PLA2G6: variants seen among roughly 807,000 people sequenced by gnomAD.
PLA2G6 encodes phospholipase A2 group VI, also known as 85/88 kDa calcium-independent phospholipase A2.
PLA2G6 carries 62 observed loss-of-function variants against 83.8 expected under a neutral mutation model. That is an observed-to-expected ratio of 0.74 (90% confidence interval 0.60 to 0.91). PLA2G6 has a LOEUF of 0.91. PLA2G6 is among the 40% of genes least tolerant of loss of function. The pLI is 0.00. For missense variants in PLA2G6, 944 were observed against 1,102.0 expected (o/e 0.86, Z 2.03); for synonymous variants, 417 against 449.8 (o/e 0.93, Z 0.92).
intron 7 of PLA2G6, chr22:38,131,429 T>G (rs2088204664): frequency 1.3e-5 from 2 of 152,184 alleles, no homozygotes; most frequent in South Asian, 4.1e-4. Context: ...TTTTGAAATT[T>G]TCACACTTTA....
chr22:38,145,018 T>C, intron 3 of PLA2G6: 1 of 350,220 alleles, frequency 2.9e-6, no homozygotes, highest in South Asian at 2.1e-5. Flanking sequence ...TTTAATCTGG[T>C]AGCAACGCAG....
At chr22:38,180,941 ATCCT>A in intron 1 of PLA2G6, among the ~76,000 whole-genome samples, 1 of 152,322 alleles carries the variant, frequency 6.6e-6, no homozygotes, top group Middle Eastern at 3.4e-3. Context: ...CCTGCCTGAC[ATCCT>A]GTTGGGCGGG....
chr22:38,169,590 C>G, intron 1 of PLA2G6, 119 bp from the exon 2 acceptor site: 1 of 681,558 alleles, frequency 1.5e-6, no homozygotes, highest in South Asian at 1.6e-5. Context: ...TCCCCAGATC[C>G]TGGGCCTGGA....
At chr22:38,160,066 A>G (rs896463506) in intron 2 of PLA2G6, among the ~76,000 whole-genome samples, 1 of 152,236 alleles carries the variant, frequency 6.6e-6, no homozygotes, top group South Asian at 2.1e-4. Context: ...TATTTTTTAA[A>G]TAGTCAAGAG....
Position 38,126,401 on chromosome 22 carries a change from A to G in PLA2G6, c.1397T>C (p.Ile466Thr). ...HISRARKPAF[I>T]LGSMRDEKRT... is the part of the protein sequence containing the mutation. The stretch of plus-strand genomic sequence containing the variant: ...CTTCTCGTCCCTCATGGAGCCCAGG[A>G]TGAACGCTGGCTTCCGGGCCCGTGA... The change falls in exon 10 of 17, where the codon ATC becomes ACC. Residue 466 changes from isoleucine to threonine, a missense_variant. Coordinates refer to ENST00000332509, the MANE Select transcript of PLA2G6 (RefSeq NM_003560.4). 1 of 1,613,618 alleles carries G rather than the reference A, an allele frequency of 6.2e-7. No individual in the cohort carries two copies. Among genetic ancestry groups the G allele is most frequent in the Middle Eastern group, 1.7e-4 (1 of 6,054 alleles).
At position 38,132,765 on chromosome 22, in the gene PLA2G6, G is replaced by A; in HGVS notation, c.1077+66C>T. On this transcript the variant is annotated intron_variant, in intron 7 of 16. Coordinates refer to ENST00000332509, the MANE Select transcript of PLA2G6 (RefSeq NM_003560.4). This position sits in a 1 kb window ranked among gnomAD's most constrained non-coding sequence, Gnocchi z 5.0. ...GGAGACAGTGGGGAGGAGGGCTCCA[G>A]TCCGGACAGCCCTCCTGCATTCCCA... is the stretch of plus-strand genomic sequence containing the variant. 1 of 1,382,778 alleles carries A rather than the reference G, an allele frequency of 7.2e-7. No homozygotes were observed. Among genetic ancestry groups the A allele is most frequent in the Non-Finnish European group, 9.9e-7 (1 of 1,010,710 alleles). 85.7% of individuals were successfully genotyped at this position (1,382,778 alleles called of 1,614,324 possible). A position where few individuals can be genotyped will look rare whatever the true frequency, so the allele number is the denominator to read the frequency against.
chr22:38,121,749 A>G (rs952873862), intron 11 of PLA2G6, among the ~76,000 whole-genome samples: 2 of 152,266 alleles, frequency 1.3e-5, no homozygotes, highest in Admixed American at 6.5e-5. Flanking sequence ...TGGTCCCTGA[A>G]GAAGGACGTG....
intron 2 of PLA2G6, among the ~76,000 whole-genome samples, chr22:38,165,590 C>T (rs191716997): frequency 1.1e-3 from 161 of 152,282 alleles, no homozygotes; most frequent in Non-Finnish European, 1.7e-3. Context: ...AAACAGGAAG[C>T]TGGCCGGGCG....
chr22:38,148,640 C>T (rs753497533), intron 2 of PLA2G6: 59 of 692,240 alleles, frequency 8.5e-5, no homozygotes, highest in Non-Finnish European at 1.4e-4. Context: ...AGAGGAGAGC[C>T]CTGATGAACA....
rs146415291 is a variant in PLA2G6, at chr22:38,120,812, G to C, written c.1689C>G (p.Phe563Leu). 9.9e-6 allele frequency: 16 copies of C among 1,613,904 alleles called. No individual in the cohort carries two copies. Among genetic ancestry groups the C allele is most frequent in the Non-Finnish European group, 1.4e-5 (16 of 1,180,036 alleles). Reference sequence around the variant, plus strand: ...TGTGCTCCCCAAACTCCCGCTTCAGGAACTCCTCCAGGGGCCCCGACTCGT... The same window carrying C: ...TGTGCTCCCCAAACTCCCGCTTCAGCAACTCCTCCAGGGGCCCCGACTCGT... Reference protein sequence around the residue: ...RPYESGPLEEFLKREFGEHTK... With the variant: ...RPYESGPLEELLKREFGEHTK... The change falls in exon 12 of 17, where the codon TTC becomes TTG. Residue 563 changes from phenylalanine to leucine, a missense_variant. Physicochemically the swap from Phe to Leu is conservative, Grantham distance 22. Transcript: ENST00000332509.
intron 13 of PLA2G6, 81 bp from the exon 14 acceptor site, chr22:38,115,762 T>A (rs2087152510): frequency 4.0e-6 from 6 of 1,515,286 alleles, no homozygotes; most frequent in African/African-American, 1.4e-5. Context: ...AGGGTGTGCG[T>A]GTTGGGGGCT....
chr22:38,137,110 C>G (rs1417116234), intron 5 of PLA2G6: 3 of 152,256 alleles, frequency 2.0e-5, no homozygotes, highest in Non-Finnish European at 4.4e-5. Flanking sequence ...GAAGGCTAAG[C>G]CGGTGGCTGG....
rs1473961830 is a variant in PLA2G6 at position 38,115,567 on chromosome 22, A to G, written c.1994T>C (p.Met665Thr). The change falls in exon 14 of 17, where the codon ATG becomes ACG. Residue 665 changes from methionine to threonine, a missense_variant. Transcript: ENST00000332509. The stretch of plus-strand genomic sequence containing the variant: ...CTGATTGTACTCATGGATCTCGGTC[A>G]TGGCATCCAGCGTGGGGTTGTTGGC... ...LLANNPTLDAMTEIHEYNQDL... is the reference protein window; with the variant it reads ...LLANNPTLDATTEIHEYNQDL... 6.2e-7 allele frequency: 1 copy of G among 1,613,646 alleles called. No individual in the cohort carries two copies. Among genetic ancestry groups the G allele is most frequent in the East Asian group, 2.2e-5 (1 of 44,874 alleles).
intron 1 of PLA2G6, among the ~76,000 whole-genome samples, chr22:38,172,258 G>T (rs1026761199): frequency 2.0e-5 from 3 of 152,166 alleles, no homozygotes; most frequent in Admixed American, 6.6e-5. Context: ...AAAGTCACGG[G>T]CCCAGGGTCA....
Position 38,140,064 on chromosome 22 carries a change from G to T in PLA2G6, c.715C>A (p.Leu239Met). Reference sequence around the variant, plus strand: ...TTGCACCGAGCATTGCACAGCAGCAGCACGCGGACCATCTCCTGCTTCCCC... The same window carrying T: ...TTGCACCGAGCATTGCACAGCAGCATCACGCGGACCATCTCCTGCTTCCCC... ...QLGKQEMVRV[L>M]LLCNARCNIM... The change falls in exon 5 of 17, where the codon CTG becomes ATG. Residue 239 changes from leucine (L) to methionine (M), a missense_variant. Leu to Met is a conservative substitution (Grantham distance 15, BLOSUM62 2). Coordinates refer to ENST00000332509, the MANE Select transcript of PLA2G6 (RefSeq NM_003560.4). 1 of 1,613,916 alleles carries T rather than the reference G, an allele frequency of 6.2e-7. No individual in the cohort carries two copies. Among genetic ancestry groups the T allele is most frequent in the Non-Finnish European group, 8.5e-7 (1 of 1,179,934 alleles).
intron 1 of PLA2G6, among the ~76,000 whole-genome samples, chr22:38,180,140 GACACACACACACACAC>G (rs133028): frequency 1.7e-4 from 24 of 137,914 alleles, no homozygotes; most frequent in Admixed American, 2.9e-4. Flanking sequence ...GATGTCTGCA[GACACACACACACACAC>G]ACACACACAC....
intron 1 of PLA2G6, among the ~76,000 whole-genome samples, chr22:38,179,300 A>G (rs2090755786): frequency 6.6e-6 from 1 of 152,204 alleles, no homozygotes; most frequent in Non-Finnish European, 1.5e-5. Flanking sequence ...ACATTTTAAC[A>G]AGATCACTCT....
In PLA2G6 at chr22:38,132,960, C is replaced by CGCG. The variant is rs797045889; in HGVS notation, c.945_947dup (p.Ala316dup). 5.1e-6 allele frequency: 8 copies of CGCG among 1,564,430 alleles called. No homozygotes were observed. The highest frequency in any genetic ancestry group is 6.9e-6 in the Non-Finnish European group (8 of 1,154,924). ...CCGCCACGTGCAGGGCCGTGTTCCC[C>CGCG]GCGGAGCTGGTGCTGTTCACGTTGC... On this transcript the variant is annotated inframe_insertion, in exon 7 of 17. Coordinates refer to ENST00000332509, the MANE Select transcript of PLA2G6 (RefSeq NM_003560.4). The surrounding 1 kb of genome is among the most constrained non-coding windows in gnomAD (Gnocchi z 5.0).
intron 2 of PLA2G6, among the ~76,000 whole-genome samples, chr22:38,161,489 T>G (rs1173936826): frequency 6.6e-6 from 1 of 152,000 alleles, no homozygotes; most frequent in Non-Finnish European, 1.5e-5. Context: ...CTTCAACATA[T>G]GATTTCGGGG....
Sources: allele counts gnomAD v4.1 joint callset (sites outside exome capture counted in the v4.1 genomes callset), GRCh38; gene constraint gnomAD v4.1.1; non-coding constraint Gnocchi (gnomAD v3.1); transcripts MANE v1.5; gene names NCBI Gene and HGNC (gene_info 2026-07-23, HGNC 2026-07-21).